CHM: variants seen among roughly 807,000 people sequenced by gnomAD.
CHM encodes rab proteins geranylgeranyltransferase component A 1.
CHM carries 10 observed loss-of-function variants against 49.0 expected under a neutral mutation model. That is an observed-to-expected ratio of 0.20 (90% confidence interval 0.13 to 0.35). The LOEUF is 0.35. CHM is among the 10% of genes least tolerant of loss of function. The pLI, the probability that CHM is intolerant of heterozygous loss-of-function variation, is 1.00. For missense variants in CHM, 455 were observed against 478.4 expected (o/e 0.95, Z 0.46); for synonymous variants, 184 against 167.5 (o/e 1.10, Z -0.76).
At chrX:85,911,982 G>A (rs1206513203) in intron 8 of CHM, among the ~76,000 whole-genome samples, 3 of 110,573 alleles carry the variant, frequency 2.7e-5, no homozygotes, top group African/African-American at 9.9e-5. Context: ...TATAATATCT[G>A]GATTATTAAA....
chrX:85,937,073 T>C (rs746352735), intron 8 of CHM, among the ~76,000 whole-genome samples: 14 of 109,667 alleles, frequency 1.3e-4, no homozygotes, highest in Non-Finnish European at 2.1e-4. Context: ...AAGACCATCC[T>C]GCCTAACACA....
At chrX:85,967,596 TTATC>T (rs1930651049) in intron 4 of CHM, among the ~76,000 whole-genome samples, 1 of 112,008 alleles carries the variant, frequency 8.9e-6, no homozygotes, top group African/African-American at 3.2e-5. Context: ...TGCAGACTGT[TTATC>T]TAAAGGAAAA....
At chrX:85,890,836 T>C (rs1033474473) in intron 12 of CHM, among the ~76,000 whole-genome samples, 2 of 111,343 alleles carry the variant, frequency 1.8e-5, no homozygotes, top group East Asian at 2.8e-4. Context: ...TTGGAACAAT[T>C]TGGAGGGCTC....
At chrX:85,896,534 T>C (rs1925842939) in intron 11 of CHM, among the ~76,000 whole-genome samples, 1 of 110,196 alleles carries the variant, frequency 9.1e-6, no homozygotes, top group South Asian at 3.8e-4. Flanking sequence ...TTGACAGATG[T>C]CCAGCAGGAA....
intron 8 of CHM, among the ~76,000 whole-genome samples, chrX:85,921,719 T>C (rs1234168146): frequency 8.9e-6 from 1 of 112,294 alleles, no homozygotes; most frequent in Non-Finnish European, 1.9e-5. Context: ...CGAGACACTG[T>C]AAGACTTCAG....
intron 8 of CHM, among the ~76,000 whole-genome samples, chrX:85,934,143 T>G (rs1371254320): frequency 5.5e-5 from 6 of 108,943 alleles, no homozygotes; most frequent in African/African-American, 1.3e-4. Flanking sequence ...ACTACACCAG[T>G]TTAATTTTTT....
In CHM at chrX:86,011,184, G is replaced by A. The variant is rs746556089; in HGVS notation, c.116+16307C>T. 1.4e-4 allele frequency among the ~76,000 whole-genome samples: 16 copies of A among 111,269 alleles called. 2 individuals are homozygous for A. The South Asian group carries it at 6.1e-3, about 42-fold the overall frequency. ...CCCCCATCTTTAAGAGTCTAATAGGGCCAACAGATCTATAAACAATAATAC... is the reference window on the plus strand; with the variant it reads ...CCCCCATCTTTAAGAGTCTAATAGGACCAACAGATCTATAAACAATAATAC... On this transcript the variant is annotated intron_variant, in intron 2 of 14. Coordinates refer to ENST00000357749, the MANE Select transcript of CHM (RefSeq NM_000390.4).
At chrX:86,004,602 G>C (rs1258112988) in intron 2 of CHM, among the ~76,000 whole-genome samples, 1 of 111,359 alleles carries the variant, frequency 9.0e-6, no homozygotes, top group Admixed American at 9.5e-5. Flanking sequence ...AAAAAAGCAG[G>C]GTTTGCAATT....
chrX:86,045,721 T>C (rs1375358985), intron 1 of CHM, among the ~76,000 whole-genome samples: 1 of 111,020 alleles, frequency 9.0e-6, no homozygotes, highest in East Asian at 2.8e-4. Context: ...TGAAAAACAT[T>C]AGCATCATTC....
intron 14 of CHM, among the ~76,000 whole-genome samples, chrX:85,871,884 T>C (rs867078493): frequency 8.9e-6 from 1 of 112,068 alleles, no homozygotes; most frequent in Non-Finnish European, 1.9e-5. Flanking sequence ...AATTTCTACT[T>C]GCAAAAAATT....
intron 8 of CHM, among the ~76,000 whole-genome samples, chrX:85,927,244 T>C (rs1928145015): frequency 8.9e-6 from 1 of 112,168 alleles, no homozygotes; most frequent in African/African-American, 3.2e-5. Flanking sequence ...TTTACTTTAA[T>C]AGGCTCTGAC....
At chrX:85,944,754 A>G (rs947114980) in intron 8 of CHM, among the ~76,000 whole-genome samples, 42 of 112,184 alleles carry the variant, frequency 3.7e-4, no homozygotes, top group African/African-American at 1.3e-3. Flanking sequence ...CAGAACTACC[A>G]TATGACCTAG....
chrX:86,014,565 AG>A (rs1367805709), intron 2 of CHM, among the ~76,000 whole-genome samples: 1 of 112,992 alleles, frequency 8.9e-6, no homozygotes, highest in Non-Finnish European at 1.9e-5. Context: ...GGTGAAATCA[AG>A]ACACTGCCAG....
rs191673054 is a variant in CHM, at chrX:85,963,827, G to T, written c.540C>A (p.Asn180Lys). Residue 180 changes from asparagine (N) to lysine (K), a missense_variant, in exon 5 of 15, where the codon AAC becomes AAA. By Grantham distance (94) the Asn-to-Lys change is moderately conservative (BLOSUM62 0). Coordinates refer to ENST00000357749, the MANE Select transcript of CHM (RefSeq NM_000390.4). ...NGAEVTGEKE[N>K]HCDDKTCVPS... Reference sequence around the variant, plus strand: ...GCACACAAGTTTTATCATCACAATGGTTTTCTTTTTCCCCTGTCACTTCAG... The same window carrying T: ...GCACACAAGTTTTATCATCACAATGTTTTTCTTTTTCCCCTGTCACTTCAG... 16 of 1,209,765 alleles carry T rather than the reference G, an allele frequency of 1.3e-5. No individual in the cohort carries two copies. In the Admixed American group the frequency reaches 3.3e-4, roughly 25 times the overall value.
At chrX:85,938,612 G>C (rs942324839) in intron 8 of CHM, among the ~76,000 whole-genome samples, 7 of 106,757 alleles carry the variant, frequency 6.6e-5, no homozygotes, top group Non-Finnish European at 1.3e-4. Flanking sequence ...CACTAATAGA[G>C]ACACTATGAA....
intron 3 of CHM, among the ~76,000 whole-genome samples, chrX:85,980,006 A>G (rs28496069): frequency 0.18 from 19,573 of 111,094 alleles, 1,587 homozygotes; most frequent in Non-Finnish European, 0.25. Context: ...GGGAAAGGGA[A>G]TGGAGAGACA....
chrX:85,973,191 C>T lies in CHM; in HGVS notation c.314+5576G>A, dbSNP rs1367815460. The stretch of plus-strand genomic sequence containing the variant: ...GCACGTGCCTGTAGTCCCAGCTACT[C>T]GGGAGGCTGAGGCAGGAGAATCACC... On this transcript the variant is annotated intron_variant, in intron 4 of 14. Transcript: ENST00000357749. Among the ~76,000 whole-genome samples the T allele has an allele frequency of 6.9e-5, 7 of 101,820 alleles. No homozygotes were observed. The Admixed American group carries it at 7.6e-4, about 11-fold the overall frequency. 88.4% of individuals were successfully genotyped at this position (101,820 alleles called of 115,157 possible).
At chrX:85,887,106 C>G (rs1925133339) in intron 12 of CHM, among the ~76,000 whole-genome samples, 1 of 109,529 alleles carries the variant, frequency 9.1e-6, no homozygotes. Context: ...AAAACCCAAA[C>G]CCAGTCCATT....
At chrX:85,907,169 TCTGACATCAGAAAATATATATTC>T (rs1418381591) in intron 9 of CHM, among the ~76,000 whole-genome samples, 1 of 111,836 alleles carries the variant, frequency 8.9e-6, no homozygotes, top group Non-Finnish European at 1.9e-5. Flanking sequence ...GAAAAATATA[TCTGACATCAGAAAATATATATTC>T]CTGACATCAG....
Sources: gnomAD v4.1 joint callset for allele counts (sites outside exome capture counted in the v4.1 genomes callset) on GRCh38, gnomAD v4.1.1 for gene constraint, MANE v1.5 for transcripts, NCBI Gene and HGNC (gene_info 2026-07-23, HGNC 2026-07-21) for gene names.